The following LAT2 variants were observed in gnomAD, a reference collection of about 807,000 sequenced individuals.
LAT2 encodes linker for activation of T cells family member 2.
Under a neutral mutation model 43.4 loss-of-function variants are expected in LAT2, and 23 were observed. The observed-to-expected ratio is 0.53, with a 90% CI of 0.38 to 0.75. The LOEUF (loss-of-function observed/expected upper bound fraction) is 0.75. Among genes scored for constraint, LAT2 ranks in the 30% least tolerant of loss-of-function variants. The pLI, the probability that LAT2 is intolerant of heterozygous loss-of-function variation, is 0.00. For synonymous variants in LAT2, 128 were observed against 123.2 expected (o/e 1.04, Z -0.26); for missense variants, 284 against 310.2 (o/e 0.92, Z 0.64).
At chr7:74,228,204 C>T (rs1554716403) in intron 13 of LAT2, among the ~76,000 whole-genome samples, 3 of 125,714 alleles carry the variant, frequency 2.4e-5, no homozygotes, top group South Asian at 2.7e-4. Flanking sequence ...AAGCCAGGCG[C>T]GGTGGCTCAC....
intron 1 of LAT2, among the ~76,000 whole-genome samples, chr7:74,213,305 T>C (rs1801794236): frequency 6.6e-6 from 1 of 151,450 alleles, no homozygotes; most frequent in African/African-American, 2.4e-5. Context: ...TCTTTTTTAG[T>C]AGACACAGGG....
intron 13 of LAT2, chr7:74,225,518 C>T (rs1802454260): frequency 6.6e-6 from 1 of 152,356 alleles, no homozygotes; most frequent in Admixed American, 6.5e-5. Flanking sequence ...GCTGAGGAGC[C>T]ACCGCAGGCC....
chr7:74,223,514 T>C (rs1802368544), intron 10 of LAT2, among the ~76,000 whole-genome samples: 1 of 151,752 alleles, frequency 6.6e-6, no homozygotes, highest in Non-Finnish European at 1.5e-5. Context: ...ACAGAGGAGC[T>C]CAGGGCTCAG....
chr7:74,219,717 G>C, intron 4 of LAT2, 27 bp from the exon 5 acceptor site: 1 of 1,613,998 alleles, frequency 6.2e-7, no homozygotes, highest in Non-Finnish European at 8.5e-7. Context: ...TCCAGGCCCA[G>C]GCTCAGCACA....
Position 74,220,426 on chromosome 7 carries a change from G to A in LAT2, c.266-158G>A, listed in dbSNP as rs541105652. ...AGGCTCCTGGAATCGGCCTGGCAGG[G>A]GGAGGGTGCACACTCGCACATGCCC... On this transcript the variant is annotated intron_variant, in intron 7 of 13. Coordinates refer to ENST00000460943, the MANE Select transcript of LAT2 (RefSeq NM_032464.3). This position sits in a 1 kb window ranked among gnomAD's most constrained non-coding sequence, Gnocchi z 4.5. The A allele has an allele frequency of 6.6e-6, 8 of 1,219,762 alleles. No individual in the cohort carries two copies. In the South Asian group the frequency reaches 9.3e-5, roughly 14 times the overall value. The allele number at this position is 1,219,762 out of a possible 1,614,324, so 75.6% of individuals were successfully genotyped here.
chr7:74,216,917 A>G, intron 4 of LAT2, 53 bp downstream of exon 4: 1 of 1,522,176 alleles, frequency 6.6e-7, no homozygotes, highest in African/African-American at 1.4e-5. Flanking sequence ...CTGGGCATGG[A>G]CGTCCTCAAG....
Position 74,220,359 on chromosome 7 carries a change from G to T in LAT2, c.265+105G>T, listed in dbSNP as rs1304261707. 2 of 1,377,308 alleles carry T rather than the reference G, an allele frequency of 1.5e-6. No individual in the cohort carries two copies. Among genetic ancestry groups the T allele is most frequent in the African/African-American group, 1.4e-5 (1 of 69,842 alleles). 85.3% of individuals were successfully genotyped at this position (1,377,308 alleles called of 1,614,324 possible). A position where few individuals can be genotyped will look rare whatever the true frequency, so the allele number is the denominator to read the frequency against. ...TCGTGCAGTGGGGGCTGCGGGGCCA[G>T]GCGAGGCCTCCCCAGGAGAGACACA... On this transcript the variant is annotated intron_variant, in intron 7 of 13. Transcript: ENST00000460943. This position sits in a 1 kb window ranked among gnomAD's most constrained non-coding sequence, Gnocchi z 4.5.
At chr7:74,228,475 C>T (rs1348777241) in intron 13 of LAT2, among the ~76,000 whole-genome samples, 1 of 139,540 alleles carries the variant, frequency 7.2e-6, no homozygotes, top group Non-Finnish European at 1.5e-5. Flanking sequence ...GACTCTGTCT[C>T]AAAAACACAA....
In LAT2 at chr7:74,220,338, G is replaced by A. The variant is rs542096996; in HGVS notation, c.265+84G>A. 6.8e-7 allele frequency: 1 copy of A among 1,472,406 alleles called. No individual in the cohort carries two copies. The highest frequency in any genetic ancestry group is 1.2e-5 in the South Asian group (1 of 82,108). 91.2% of individuals were successfully genotyped at this position (1,472,406 alleles called of 1,614,324 possible). A position where few individuals can be genotyped will look rare whatever the true frequency, so the allele number is the denominator to read the frequency against. On this transcript the variant is annotated intron_variant, in intron 7 of 13. Coordinates refer to ENST00000460943, the MANE Select transcript of LAT2 (RefSeq NM_032464.3). The surrounding 1 kb of genome is among the most constrained non-coding windows in gnomAD (Gnocchi z 4.5). ...GAAAACCCCATGGGACAGGCGTCGT[G>A]CAGTGGGGGCTGCGGGGCCAGGCGA...
intron 13 of LAT2, 32 bp from the exon 14 acceptor site, chr7:74,228,912 C>A (rs562602106): frequency 6.6e-6 from 1 of 152,358 alleles, no homozygotes; most frequent in Non-Finnish European, 1.5e-5. Context: ...TCAAGGCAAA[C>A]CTCCTTCTAC....
intron 1 of LAT2, among the ~76,000 whole-genome samples, chr7:74,214,108 A>T (rs1554713620): frequency 8.8e-6 from 1 of 113,750 alleles, no homozygotes; most frequent in Non-Finnish European, 1.7e-5. Flanking sequence ...ATAAATATAT[A>T]TATGAAAATA....
rs1250204913 is a variant in LAT2 at position 74,221,493 on chromosome 7, CAGAG to C, written c.333-141_333-138del. 38 of 395,802 alleles carry C rather than the reference CAGAG, an allele frequency of 9.6e-5. No homozygotes were observed. The East Asian group carries it at 1.3e-3, about 13-fold the overall frequency. 24.5% of individuals were successfully genotyped at this position (395,802 alleles called of 1,614,324 possible). A position where few individuals can be genotyped will look rare whatever the true frequency, so the allele number is the denominator to read the frequency against. On this transcript the variant is annotated intron_variant, in intron 9 of 13. Transcript: ENST00000460943. ...TCCCAGGAAGTGGGGGTGGGGGAAT[CAGAG>C]AGGAGATCCTGGCAGACCCCCATGG...
At chr7:74,214,012 G>A (rs1276002030) in intron 1 of LAT2, among the ~76,000 whole-genome samples, 1 of 141,026 alleles carries the variant, frequency 7.1e-6, no homozygotes, top group East Asian at 2.0e-4. Flanking sequence ...GCAGTAGCAT[G>A]ATCACAGCTC....
At chr7:74,214,716 T>C (rs1180862037) in intron 1 of LAT2, 106 bp from the exon 2 acceptor site, 1 of 104,924 alleles carries the variant, frequency 9.5e-6, no homozygotes, top group African/African-American at 4.3e-5. Flanking sequence ...TATAAATATA[T>C]ATAAAAATAT....
In LAT2 at chr7:74,220,740, T is replaced by A; in HGVS notation, c.332+6T>A. 1.3e-6 allele frequency: 2 copies of A among 1,584,002 alleles called. No homozygotes were observed. The highest frequency in any genetic ancestry group is 1.1e-5 in the South Asian group (1 of 88,990). On this transcript the variant is annotated splice_donor_region_variant and intron_variant, in intron 9 of 13. Coordinates refer to ENST00000460943, the MANE Select transcript of LAT2 (RefSeq NM_032464.3). The surrounding 1 kb of genome is among the most constrained non-coding windows in gnomAD (Gnocchi z 4.5). ...GGGTCGGAGGAAGCCTACATGTGAGTGACCTTGATCCTGTCCCCCCTGCCT... is the reference window on the plus strand; with the variant it reads ...GGGTCGGAGGAAGCCTACATGTGAGAGACCTTGATCCTGTCCCCCCTGCCT...
At position 74,224,752 on chromosome 7, in the gene LAT2, A is replaced by G. The variant is rs1439192843; in HGVS notation, c.*10A>G. On this transcript the variant is annotated 3_prime_UTR_variant, in exon 13 of 14. Transcript: ENST00000460943. ...AGCCACAGAAGCCTAGGGCAGACCA[A>G]GAAGAAAGGTACAGCCCCTGCTCTC... 12 of 1,572,398 alleles carry G rather than the reference A, an allele frequency of 7.6e-6. No homozygotes were observed. Among genetic ancestry groups the G allele is most frequent in the Non-Finnish European group, 9.5e-6 (11 of 1,157,944 alleles).
intron 1 of LAT2, among the ~76,000 whole-genome samples, chr7:74,210,563 G>A (rs1225549731): frequency 2.0e-5 from 3 of 151,808 alleles, no homozygotes; most frequent in African/African-American, 7.3e-5. Context: ...TCTGTCCCTG[G>A]GACCAGGGCT....
At position 74,220,715 on chromosome 7, in the gene LAT2, G is replaced by A. The variant is rs782599968; in HGVS notation, c.313G>A (p.Gly105Arg). The A allele has an allele frequency of 1.0e-5, 16 of 1,605,930 alleles. No homozygotes were observed. The highest frequency in any genetic ancestry group is 3.3e-5 in the South Asian group (3 of 90,828). The change falls in exon 9 of 14, where the codon GGG (glycine) becomes AGG (arginine). Residue 105 changes from glycine to arginine, a missense_variant. Transcript: ENST00000460943. The surrounding 1 kb of genome is among the most constrained non-coding windows in gnomAD (Gnocchi z 4.5). ...YQNFSKGSRH[G>R]SEEAYIDPIA... Reference sequence around the variant, plus strand: ...GCCTCCTCCCGCAGGAAGCAGACACGGGTCGGAGGAAGCCTACATGTGAGT... The same window carrying A: ...GCCTCCTCCCGCAGGAAGCAGACACAGGTCGGAGGAAGCCTACATGTGAGT...
chr7:74,211,326 G>C (rs112856032), intron 1 of LAT2, among the ~76,000 whole-genome samples: 3,347 of 152,296 alleles, frequency 0.022, 113 homozygotes, highest in African/African-American at 0.074. Flanking sequence ...GTCCAGGCTG[G>C]AGTGCAGTGG....
Sources: allele counts gnomAD v4.1 joint callset (sites outside exome capture counted in the v4.1 genomes callset), GRCh38; gene constraint gnomAD v4.1.1; non-coding constraint Gnocchi (gnomAD v3.1); transcripts MANE v1.5; gene names NCBI Gene and HGNC (gene_info 2026-07-23, HGNC 2026-07-21).